EP300: variants seen among roughly 807,000 people sequenced by gnomAD.
EP300 encodes the protein histone acetyltransferase p300.
A neutral mutation model predicts 264.0 loss-of-function variants in EP300; 31 were observed. That is an observed-to-expected ratio of 0.12 (90% CI 0.09 to 0.16). EP300 has a LOEUF of 0.16. EP300 is among the 10% of genes least tolerant of loss of function. The pLI is 1.00. For missense variants in EP300, 2,766 were observed against 3,052.9 expected (o/e 0.91, Z 2.21); for synonymous variants, 1,340 against 1,045.4 (o/e 1.28, Z -5.44).
chr22:41,102,538 G>C (rs1165435848), intron 1 of EP300, among the ~76,000 whole-genome samples: 1 of 152,144 alleles, frequency 6.6e-6, no homozygotes, highest in Admixed American at 6.5e-5. Context: ...ATCATGGAGG[G>C]CTTATAATAC....
At chr22:41,132,210 T>A (rs931762686) in intron 6 of EP300, among the ~76,000 whole-genome samples, 2,437 of 148,162 alleles carry the variant, frequency 0.016, 68 homozygotes, top group African/African-American at 0.058. Flanking sequence ...AAAAAAAAAA[T>A]ACTATGTAGA....
chr22:41,164,339 ATTC>A (rs556685357), intron 22 of EP300, among the ~76,000 whole-genome samples: 12 of 152,308 alleles, frequency 7.9e-5, no homozygotes, highest in African/African-American at 1.7e-4. Flanking sequence ...ATTTTTATGC[ATTC>A]TTCTTAGCCA....
chr22:41,105,802 A>G (rs74831268), intron 1 of EP300, among the ~76,000 whole-genome samples: 2,755 of 152,260 alleles, frequency 0.018, 76 homozygotes, highest in African/African-American at 0.063. Flanking sequence ...CATATTTTGA[A>G]ATTTGCTTGC....
intron 10 of EP300, among the ~76,000 whole-genome samples, chr22:41,142,628 G>A (rs1415542335): frequency 6.6e-6 from 1 of 152,178 alleles, no homozygotes; most frequent in African/African-American, 2.4e-5. Context: ...GTTCATGCCT[G>A]TACTCCCAGC....
At position 41,179,236 on chromosome 22, in the gene EP300, C is replaced by G. The variant is rs2059224791; in HGVS notation, c.*280C>G. The G allele has an allele frequency of 2.3e-6, 1 of 435,836 alleles. No individual in the cohort carries two copies. Among genetic ancestry groups the G allele is most frequent in the Non-Finnish European group, 4.1e-6 (1 of 243,414 alleles). 27.0% of individuals were successfully genotyped at this position (435,836 alleles called of 1,614,324 possible). A position where few individuals can be genotyped will look rare whatever the true frequency, so the allele number is the denominator to read the frequency against. On this transcript the variant is annotated 3_prime_UTR_variant, in exon 31 of 31. Transcript: ENST00000263253. ...AGTGTGCACTGGGAGGAGGCTGAGGCCTGTGAAGCCAAACAATATGCTCCT... is the reference window on the plus strand; with the variant it reads ...AGTGTGCACTGGGAGGAGGCTGAGGGCTGTGAAGCCAAACAATATGCTCCT...
chr22:41,107,769 C>T (rs143594142), intron 1 of EP300, among the ~76,000 whole-genome samples: 157 of 152,232 alleles, frequency 1.0e-3, no homozygotes, highest in African/African-American at 3.6e-3. Flanking sequence ...GGTGCAGTCT[C>T]GGCTCACTGC....
chr22:41,133,074 T>G (rs2064559), intron 6 of EP300, among the ~76,000 whole-genome samples: 147,200 of 151,710 alleles, frequency 0.97, 71,575 homozygotes, highest in East Asian at 1. Context: ...GAACTCCTGG[T>G]CTTAAGCAAT....
intron 1 of EP300, among the ~76,000 whole-genome samples, chr22:41,112,142 C>G (rs1268889270): frequency 2.0e-5 from 3 of 151,904 alleles, no homozygotes; most frequent in African/African-American, 7.3e-5. Context: ...CCCGCCTTGG[C>G]CTCCCAAAGT....
intron 1 of EP300, among the ~76,000 whole-genome samples, chr22:41,094,042 A>G (rs770119451): frequency 1.3e-5 from 2 of 152,224 alleles, no homozygotes; most frequent in Admixed American, 6.5e-5. Flanking sequence ...CGACCAGTTC[A>G]TTCAGTTGTG....
rs2145524697 is a variant in EP300 at position 41,178,909 on chromosome 22, T to C, written c.7198T>C (p.Ser2400Pro). 1.2e-6 allele frequency: 2 copies of C among 1,614,152 alleles called. No individual in the cohort carries two copies. Among genetic ancestry groups the C allele is most frequent in the South Asian group, 1.1e-5 (1 of 91,092 alleles). The change falls in exon 31 of 31, where the codon TCA becomes CCA. Residue 2400 changes from serine to proline, a missense_variant. By Grantham distance (74) the Ser-to-Pro change is moderately conservative. Coordinates refer to ENST00000263253, the MANE Select transcript of EP300 (RefSeq NM_001429.4). ...ATDLGLSTDN[S>P]DLNSNLSQST... ...GGACCTGGGACTCAGCACCGATAAC[T>C]CAGACTTGAATTCAAACCTCTCACA...
intron 23 of EP300, among the ~76,000 whole-genome samples, chr22:41,167,574 GTGTGTGTGTGTATATATA>G (rs1431658432): frequency 3.4e-5 from 1 of 29,184 alleles, no homozygotes; most frequent in African/African-American, 1.3e-4. Context: ...GTGTGTGTGT[GTGTGTGTGTGTATATATA>G]TATATATATA....
At chr22:41,136,574 G>A (rs934948037) in intron 7 of EP300, among the ~76,000 whole-genome samples, 2 of 151,558 alleles carry the variant, frequency 1.3e-5, no homozygotes, top group African/African-American at 2.4e-5. Flanking sequence ...GGTGGGAGGA[G>A]CACTTGAGGC....
intron 6 of EP300, among the ~76,000 whole-genome samples, chr22:41,134,163 C>CTTTTTTTTTTTT (rs11362436): frequency 3.7e-4 from 39 of 105,546 alleles, no homozygotes; most frequent in Non-Finnish European, 4.1e-4. Flanking sequence ...TCATTCTTTT[C>CTTTTTTTTTTTT]TTTTTTTTTT....
At chr22:41,105,053 C>T (rs1267505357) in intron 1 of EP300, among the ~76,000 whole-genome samples, 10 of 151,794 alleles carry the variant, frequency 6.6e-5, no homozygotes, top group African/African-American at 9.7e-5. Flanking sequence ...AAAAATTAGC[C>T]GGGCGTAGTG....
At chr22:41,105,152 G>T (rs916972554) in intron 1 of EP300, among the ~76,000 whole-genome samples, 6 of 135,658 alleles carry the variant, frequency 4.4e-5, no homozygotes, top group Non-Finnish European at 7.8e-5. Context: ...AGCCGAGATC[G>T]TGCCACTGCA....
intron 1 of EP300, among the ~76,000 whole-genome samples, chr22:41,105,198 GAAAAAAAAAAAA>G (rs764225630): frequency 1.6e-5 from 1 of 60,938 alleles, no homozygotes; most frequent in Non-Finnish European, 2.8e-5. Flanking sequence ...CTCCATCTCA[GAAAAAAAAAAAA>G]AAAAAAAAAA....
At chr22:41,130,092 C>A in intron 5 of EP300, 89 bp downstream of exon 5, 1 of 951,726 alleles carries the variant, frequency 1.1e-6, no homozygotes. Context: ...ATGTGAGGGA[C>A]CTGTGGTGTT....
rs749509887 is a variant in EP300, at chr22:41,169,603, G to A, written c.4273G>A (p.Val1425Ile). The A allele has an allele frequency of 6.3e-7, 1 of 1,592,522 alleles. No individual in the cohort carries two copies. ...AATCCTAATTGGATATTTAGAATAT[G>A]TCAAGAAATTAGGGTAAGCATATTT... ...HEILIGYLEY[V>I]KKLGYTTGHI... is the part of the protein sequence containing the mutation. Residue 1425 changes from valine to isoleucine, a missense_variant, in exon 26 of 31, where the codon GTC (valine) becomes ATC (isoleucine). Transcript: ENST00000263253.
At chr22:41,103,991 A>G (rs535873677) in intron 1 of EP300, among the ~76,000 whole-genome samples, 22 of 152,312 alleles carry the variant, frequency 1.4e-4, no homozygotes, top group African/African-American at 5.1e-4. Flanking sequence ...GCCAGTTGTT[A>G]TAAATGTAGA....
Sources: gnomAD v4.1 joint callset for allele counts (sites outside exome capture counted in the v4.1 genomes callset) on GRCh38, gnomAD v4.1.1 for gene constraint, MANE v1.5 for transcripts, NCBI Gene and HGNC (gene_info 2026-07-23, HGNC 2026-07-21) for gene names.